MYO18B: variants seen among roughly 807,000 people sequenced by gnomAD.
MYO18B encodes the protein myosin XVIIIB, also known as unconventional myosin-XVIIIb.
In MYO18B, 204 loss-of-function variants were observed where a neutral mutation model predicts 273.0. The ratio of observed to expected loss-of-function variants is 0.75; its 90% CI spans 0.67 to 0.84. The LOEUF (loss-of-function observed/expected upper bound fraction) is 0.84, where lower values mean the gene tolerates loss of function less well. Ranked by LOEUF, MYO18B falls within the 40% of genes least tolerant of loss-of-function variation. The pLI is 0.00. For missense variants in MYO18B, 3,212 were observed against 3,287.6 expected, an observed-to-expected ratio of 0.98 and a Z score of 0.56; for synonymous variants, 1,330 against 1,305.7, an observed-to-expected ratio of 1.02 and a Z score of -0.40.
intron 8 of MYO18B, among the ~76,000 whole-genome samples, chr22:25,779,754 G>A (rs1366875746): frequency 2.0e-5 from 3 of 151,214 alleles, no homozygotes; most frequent in Admixed American, 6.6e-5. Context: ...GAAGCCCTAG[G>A]GCAGCCTCTG....
rs2092834877 is a variant in MYO18B at position 25,955,177 on chromosome 22, A to G, written c.5971-2A>G. The G allele has an allele frequency of 6.3e-7, 1 of 1,599,574 alleles. No homozygotes were observed. The highest frequency in any genetic ancestry group is 1.3e-5 in the African/African-American group (1 of 74,704). Reference sequence around the variant, plus strand: ...GTGGGCATGTGTCTCTGCCCCTCCCAGGTCCTGGTGATCCGGCTTCGGGAC... The same window carrying G: ...GTGGGCATGTGTCTCTGCCCCTCCCGGGTCCTGGTGATCCGGCTTCGGGAC... On this transcript the variant is annotated splice_acceptor_variant, in intron 38 of 43. Coordinates refer to ENST00000335473, the MANE Select transcript of MYO18B (RefSeq NM_032608.7). LOFTEE classifies it high-confidence loss of function.
At chr22:25,951,792 T>C (rs1039854169) in intron 37 of MYO18B, among the ~76,000 whole-genome samples, 5 of 152,214 alleles carry the variant, frequency 3.3e-5, no homozygotes, top group Non-Finnish European at 7.3e-5. Context: ...ATTTGCTGGC[T>C]GCTTATTATG....
chr22:25,843,692 C>T, intron 17 of MYO18B, 43 bp from the exon 18 acceptor site: 3 of 1,583,144 alleles, frequency 1.9e-6, no homozygotes, highest in Non-Finnish European at 2.6e-6. Context: ...TGCAGAGTGT[C>T]CTCAACAGGC....
At chr22:25,826,257 C>T (rs1204410732) in intron 13 of MYO18B, among the ~76,000 whole-genome samples, 152 bp from the exon 14 acceptor site, 1 of 152,180 alleles carries the variant, frequency 6.6e-6, no homozygotes, top group Non-Finnish European at 1.5e-5. Flanking sequence ...AGACTTTGTC[C>T]TAAGAACCTG....
chr22:25,752,399 G>A (rs1461245222), intron 1 of MYO18B, among the ~76,000 whole-genome samples: 1 of 151,222 alleles, frequency 6.6e-6, no homozygotes, highest in Non-Finnish European at 1.5e-5. Context: ...GTTTTAGCCG[G>A]GATGGTCTCG....
the MYO18B span, among the ~76,000 whole-genome samples, chr22:26,052,969 AT>A: frequency 2.3e-3 from 339 of 145,710 alleles, 1 homozygote; most frequent in African/African-American, 7.4e-3. Context: ...CGCCCAGCTA[AT>A]TTTTTTTTTT....
At chr22:25,927,475 C>T (rs1376868462) in intron 34 of MYO18B, among the ~76,000 whole-genome samples, 2 of 152,108 alleles carry the variant, frequency 1.3e-5, no homozygotes, top group Admixed American at 1.3e-4. Context: ...AAATTTTGGT[C>T]AGACCGGTTG....
chr22:25,947,487 TACACACAC>T (rs57844236), intron 35 of MYO18B, among the ~76,000 whole-genome samples: 4,196 of 110,484 alleles, frequency 0.038, 80 homozygotes, highest in South Asian at 0.079. Flanking sequence ...TAATGCCTAA[TACACACAC>T]ACACACACAC....
At chr22:25,877,642 A>G (rs1247899326) in intron 24 of MYO18B, among the ~76,000 whole-genome samples, 1 of 151,828 alleles carries the variant, frequency 6.6e-6, no homozygotes, top group African/African-American at 2.4e-5. Context: ...CTAATTTTGT[A>G]TTTTTAGTAG....
the MYO18B span, among the ~76,000 whole-genome samples, chr22:26,046,844 A>G: frequency 6.6e-6 from 1 of 152,192 alleles, no homozygotes; most frequent in Non-Finnish European, 1.5e-5. Flanking sequence ...TTAAAATAAT[A>G]TTATTTCCCA....
At chr22:25,861,029 C>T (rs956652509) in intron 21 of MYO18B, among the ~76,000 whole-genome samples, 5 of 152,060 alleles carry the variant, frequency 3.3e-5, no homozygotes, top group Non-Finnish European at 1.5e-5. Context: ...GCTCAGACTA[C>T]AGGCATATGC....
At chr22:26,054,356 G>A in the MYO18B span, among the ~76,000 whole-genome samples, 25 of 152,208 alleles carry the variant, frequency 1.6e-4, no homozygotes, top group African/African-American at 5.5e-4. Flanking sequence ...CTGTGTGCCC[G>A]CTCAGTTTCC....
chr22:26,041,041 C>G, the MYO18B span, among the ~76,000 whole-genome samples: 1 of 152,186 alleles, frequency 6.6e-6, no homozygotes, highest in Non-Finnish European at 1.5e-5. Context: ...GGTCCTAGAG[C>G]AGGGTTGTCC....
chr22:25,898,594 C>T (rs2091863761), intron 29 of MYO18B, 133 bp downstream of exon 29: 1 of 883,922 alleles, frequency 1.1e-6, no homozygotes, highest in Non-Finnish European at 1.7e-6. Context: ...TCCTCCCTGT[C>T]CCGTCACACC....
At chr22:25,821,848 T>C (rs775279688) in intron 12 of MYO18B, among the ~76,000 whole-genome samples, 3 of 152,176 alleles carry the variant, frequency 2.0e-5, no homozygotes, top group Non-Finnish European at 4.4e-5. Context: ...AAAAAAGTAG[T>C]GCTCAACCAT....
At chr22:25,762,678 A>T (rs895384558) in intron 2 of MYO18B, among the ~76,000 whole-genome samples, 7 of 152,264 alleles carry the variant, frequency 4.6e-5, no homozygotes, top group Non-Finnish European at 8.8e-5. Context: ...AAGCCACAGC[A>T]CTGTGTCAGT....
At chr22:25,948,308 G>C (rs1407393235) in intron 36 of MYO18B, among the ~76,000 whole-genome samples, 2 of 146,936 alleles carry the variant, frequency 1.4e-5, no homozygotes, top group Non-Finnish European at 3.0e-5. Context: ...CATCCATGCA[G>C]CCATCCATTC....
chr22:25,857,729 C>T (rs1167904682), intron 21 of MYO18B, among the ~76,000 whole-genome samples: 1 of 152,256 alleles, frequency 6.6e-6, no homozygotes, highest in South Asian at 2.1e-4. Context: ...TCTCGGCTCA[C>T]TGCAACCTCT....
At chr22:25,806,240 A>G (rs5761226) in intron 12 of MYO18B, among the ~76,000 whole-genome samples, 10,022 of 152,224 alleles carry the variant, frequency 0.066, 578 homozygotes, top group East Asian at 0.21. Flanking sequence ...AAGGAGAGGG[A>G]CCATGCAGGA....
Sources: allele counts gnomAD v4.1 joint callset (sites outside exome capture counted in the v4.1 genomes callset), GRCh38; gene constraint gnomAD v4.1.1; transcripts MANE v1.5; gene names NCBI Gene and HGNC (gene_info 2026-07-23, HGNC 2026-07-21).